Variants in TSPAN18 observed in about 807,000 individuals in gnomAD.
The protein encoded by TSPAN18 is tetraspanin 18.
Under a neutral mutation model 27.3 loss-of-function variants are expected in TSPAN18, and 14 were observed. The ratio of observed to expected loss-of-function variants is 0.51; its 90% confidence interval spans 0.34 to 0.80. The LOEUF is 0.80. Ranked by LOEUF, TSPAN18 falls within the 30% of genes least tolerant of loss-of-function variation. TSPAN18 has a pLI of 0.01. For missense variants in TSPAN18, 268 were observed against 323.9 expected (o/e 0.83, Z 1.32); for synonymous variants, 143 against 136.5 (o/e 1.05, Z -0.33).
chr11:44,893,547 G>A (rs1232080299), intron 3 of TSPAN18, among the ~76,000 whole-genome samples: 1 of 152,144 alleles, frequency 6.6e-6, no homozygotes, highest in Non-Finnish European at 1.5e-5. Flanking sequence ...TGAACCTGAT[G>A]GCAAGAATCA....
rs184109714 is a variant in TSPAN18, at chr11:44,919,745, T to C, written c.433-72T>C. 374 of 1,460,178 alleles carry C rather than the reference T, an allele frequency of 2.6e-4. No individual in the cohort carries two copies. In the African/African-American group the frequency reaches 4.6e-3, roughly 18 times the overall value. 90.5% of individuals were successfully genotyped at this position (1,460,178 alleles called of 1,614,324 possible). A position where few individuals can be genotyped will look rare whatever the true frequency, so the allele number is the denominator to read the frequency against. ...TGATGCCACTCCTTTGCAGAGGCTGTATGTCCTTCTCTGTCCCCGCCCCTG... is the reference window on the plus strand; with the variant it reads ...TGATGCCACTCCTTTGCAGAGGCTGCATGTCCTTCTCTGTCCCCGCCCCTG... On this transcript the variant is annotated intron_variant, in intron 7 of 9. Coordinates refer to ENST00000520358, the MANE Select transcript of TSPAN18 (RefSeq NM_130783.5).
intron 2 of TSPAN18, among the ~76,000 whole-genome samples, chr11:44,829,677 T>TC: frequency 6.6e-6 from 1 of 152,310 alleles, no homozygotes; most frequent in East Asian, 1.9e-4. Flanking sequence ...ATACAAATTT[T>TC]CACCTCATTT....
chr11:44,743,282 G>A lies in TSPAN18; in HGVS notation c.-240+15995G>A, dbSNP rs1014146922. ...CGTCAGGAAAAGTGTGACATTAAAG[G>A]CAGAGCATGACAATGTCTTTGGGGT... On this transcript the variant is annotated intron_variant, in intron 1 of 9. Coordinates refer to ENST00000520358, the MANE Select transcript of TSPAN18 (RefSeq NM_130783.5). Among the ~76,000 whole-genome samples, 3 of 152,204 alleles carry A rather than the reference G, an allele frequency of 2.0e-5. No individual in the cohort carries two copies. The East Asian group carries it at 5.8e-4, about 29-fold the overall frequency.
intron 3 of TSPAN18, among the ~76,000 whole-genome samples, chr11:44,881,535 A>G (rs1858489505): frequency 6.6e-6 from 1 of 152,230 alleles, no homozygotes. Flanking sequence ...CTAGTTTTCT[A>G]TTTGTGAACT....
chr11:44,786,061 C>T (rs1856049973), intron 2 of TSPAN18, among the ~76,000 whole-genome samples: 1 of 152,258 alleles, frequency 6.6e-6, no homozygotes, highest in Non-Finnish European at 1.5e-5. Flanking sequence ...AGCGAGGGCC[C>T]CACCCAGCTA....
chr11:44,896,949 T>C (rs574644640), intron 3 of TSPAN18, among the ~76,000 whole-genome samples: 1 of 151,854 alleles, frequency 6.6e-6, no homozygotes, highest in Admixed American at 6.6e-5. Flanking sequence ...GAGGGATGGG[T>C]AAATGGGGAG....
In TSPAN18 at chr11:44,922,117, A is replaced by ATTGTT. The variant is rs1188611777; in HGVS notation, c.615+2120_615+2121insGTTTT. On this transcript the variant is annotated intron_variant, in intron 8 of 9. Transcript: ENST00000520358. ...CCCTCTTGCTTAAAGCCCAGGATGC[A>ATTGTT]TTTTTTTTTTTTTTTTTGAGACTGA... is the stretch of plus-strand genomic sequence containing the variant. Among the ~76,000 whole-genome samples the ATTGTT allele has an allele frequency of 1.2e-4, 16 of 131,378 alleles. No individual in the cohort carries two copies. The South Asian group carries it at 1.5e-3, about 12-fold the overall frequency. 86.2% of individuals were successfully genotyped at this position (131,378 alleles called of 152,430 possible).
intron 2 of TSPAN18, among the ~76,000 whole-genome samples, chr11:44,773,626 G>C (rs564682610): frequency 1.3e-4 from 20 of 152,298 alleles, no homozygotes; most frequent in African/African-American, 4.8e-4. Flanking sequence ...TGGAAGGACG[G>C]CTTCCACTGC....
At chr11:44,906,863 C>T (rs1859471491) in intron 4 of TSPAN18, among the ~76,000 whole-genome samples, 1 of 152,194 alleles carries the variant, frequency 6.6e-6, no homozygotes, top group Non-Finnish European at 1.5e-5. Flanking sequence ...TGACGGACTT[C>T]AGACCTGGAG....
chr11:44,775,759 G>A (rs1359172015), intron 2 of TSPAN18, among the ~76,000 whole-genome samples: 1 of 152,178 alleles, frequency 6.6e-6, no homozygotes, highest in Non-Finnish European at 1.5e-5. Context: ...AACCTATAGA[G>A]GTCGATGACA....
At chr11:44,749,632 CT>C (rs71894571) in intron 1 of TSPAN18, among the ~76,000 whole-genome samples, 27,663 of 110,472 alleles carry the variant, frequency 0.25, 3,943 homozygotes, top group East Asian at 0.76. Context: ...GTGGAACTTT[CT>C]TTTTTTTTTT....
chr11:44,889,573 GGGCAGAGGCCAA>G (rs1480549501), intron 3 of TSPAN18, among the ~76,000 whole-genome samples: 7 of 152,220 alleles, frequency 4.6e-5, no homozygotes, highest in Admixed American at 3.3e-4. Context: ...GAAGAGGAGG[GGGCAGAGGCCAA>G]GAGCCAAAGC....
chr11:44,773,446 C>G (rs1229920490), intron 2 of TSPAN18, among the ~76,000 whole-genome samples: 1 of 151,890 alleles, frequency 6.6e-6, no homozygotes, highest in Non-Finnish European at 1.5e-5. Context: ...AAAAAACAAA[C>G]CCACCAGTGA....
intron 2 of TSPAN18, among the ~76,000 whole-genome samples, chr11:44,828,532 A>G (rs1857091545): frequency 1.3e-5 from 2 of 152,184 alleles, no homozygotes; most frequent in African/African-American, 4.8e-5. Flanking sequence ...GGCCCCGGAA[A>G]GGTGGTCTGA....
chr11:44,860,646 G>C (rs1289016878), intron 3 of TSPAN18, among the ~76,000 whole-genome samples, 177 bp downstream of exon 3: 1 of 152,218 alleles, frequency 6.6e-6, no homozygotes, highest in Non-Finnish European at 1.5e-5. Context: ...CAGATAGTGT[G>C]AGTGGATCTG....
In TSPAN18 at chr11:44,929,110, GCT is replaced by G. The variant is rs769382668; in HGVS notation, c.700-18_700-17del. On this transcript the variant is annotated intron_variant, in intron 9 of 9. Transcript: ENST00000520358. ...GGCCCAGCCTGATAAGCCAGTTCCTGCTCTTTTTCTTTTTTTGCAGCTTTTCG... is the reference window on the plus strand; with the variant it reads ...GGCCCAGCCTGATAAGCCAGTTCCTGCTTTTTCTTTTTTTGCAGCTTTTCG... The G allele has an allele frequency of 1.5e-4, 247 of 1,612,794 alleles. No homozygotes were observed. Among genetic ancestry groups the G allele is most frequent in the Non-Finnish European group, 2.0e-4 (237 of 1,180,018 alleles).
At position 44,930,593 on chromosome 11, in the gene TSPAN18, G is replaced by A; in HGVS notation, c.*1415G>A. 3.3e-6 allele frequency: 1 copy of A among 305,678 alleles called. No individual in the cohort carries two copies. The highest frequency in any genetic ancestry group is 6.5e-6 in the Non-Finnish European group (1 of 152,972). 18.9% of individuals were successfully genotyped at this position (305,678 alleles called of 1,614,324 possible). ...GGCTTGGGCAGGGAGACTCGCAGAT[G>A]CACACCCACAAGTATTCAGTTCTCA... On this transcript the variant is annotated 3_prime_UTR_variant, in exon 10 of 10. Transcript: ENST00000520358.
chr11:44,813,061 C>T (rs1431954100), intron 2 of TSPAN18, among the ~76,000 whole-genome samples: 1 of 152,212 alleles, frequency 6.6e-6, no homozygotes, highest in Non-Finnish European at 1.5e-5. Flanking sequence ...CTCTCTGTGC[C>T]CAGCTTCCTC....
intron 2 of TSPAN18, among the ~76,000 whole-genome samples, chr11:44,842,786 A>C (rs1035404631): frequency 2.6e-5 from 4 of 152,196 alleles, no homozygotes; most frequent in Non-Finnish European, 5.9e-5. Context: ...AAAATGTATA[A>C]ATCTTCAGTG....
Sources: allele counts gnomAD v4.1 joint callset (sites outside exome capture counted in the v4.1 genomes callset), GRCh38; gene constraint gnomAD v4.1.1; transcripts MANE v1.5; gene names NCBI Gene and HGNC (gene_info 2026-07-23, HGNC 2026-07-21).